GNAL: variants seen among roughly 807,000 people sequenced by gnomAD.
The protein encoded by GNAL is G protein subunit alpha L.
Under a neutral mutation model 55.1 loss-of-function variants are expected in GNAL, and 18 were observed. The observed-to-expected ratio is 0.33, with a 90% CI of 0.23 to 0.48. The LOEUF is 0.48. GNAL is among the 20% of genes least tolerant of loss of function. The pLI is 0.99. For missense variants in GNAL, 412 were observed against 614.1 expected (o/e 0.67, Z 3.48); for synonymous variants, 253 against 237.0 (o/e 1.07, Z -0.62).
chr18:11,724,831 A>G (rs957284428), intron 1 of GNAL, among the ~76,000 whole-genome samples: 1 of 152,220 alleles, frequency 6.6e-6, no homozygotes, highest in African/African-American at 2.4e-5. Flanking sequence ...GAGCAGGCCA[A>G]GGGTTGTTTC....
At chr18:11,770,950 C>G (rs1331710544) in intron 4 of GNAL, among the ~76,000 whole-genome samples, 4 of 152,030 alleles carry the variant, frequency 2.6e-5, no homozygotes, top group Non-Finnish European at 4.4e-5. Context: ...TGCGGTGGCT[C>G]AAGCCTGTAA....
chr18:11,816,328 G>T (rs1043000666), intron 4 of GNAL, among the ~76,000 whole-genome samples: 1 of 151,838 alleles, frequency 6.6e-6, no homozygotes, highest in South Asian at 2.1e-4. Flanking sequence ...ACCGAGTCTT[G>T]CTCTGTCACC....
At chr18:11,727,087 C>A (rs2143425908) in intron 1 of GNAL, among the ~76,000 whole-genome samples, 1 of 152,260 alleles carries the variant, frequency 6.6e-6, no homozygotes, top group Non-Finnish European at 1.5e-5. Context: ...GGTGCCCCTC[C>A]CTCCTTGCTG....
At chr18:11,871,191 A>G (rs576213394) in intron 9 of GNAL, among the ~76,000 whole-genome samples, 50 of 151,972 alleles carry the variant, frequency 3.3e-4, no homozygotes, top group Non-Finnish European at 5.3e-4. Context: ...TTATTACTAG[A>G]AGAAGCAGGT....
intron 1 of GNAL, among the ~76,000 whole-genome samples, chr18:11,690,648 C>A (rs937617189): frequency 7.4e-6 from 1 of 135,408 alleles, no homozygotes; most frequent in Non-Finnish European, 1.5e-5. Context: ...TGTGATGTTC[C>A]CCTTCCTGTG....
chr18:11,845,626 C>G (rs2035715034), intron 5 of GNAL, among the ~76,000 whole-genome samples: 1 of 152,030 alleles, frequency 6.6e-6, no homozygotes, highest in Non-Finnish European at 1.5e-5. Flanking sequence ...CTACAAAATG[C>G]TCTCCAACTA....
intron 1 of GNAL, among the ~76,000 whole-genome samples, chr18:11,726,224 C>T (rs1350184899): frequency 6.6e-6 from 1 of 152,196 alleles, no homozygotes; most frequent in Non-Finnish European, 1.5e-5. Context: ...TGTTGACTTT[C>T]CCTTTAGCAC....
At chr18:11,839,388 A>G (rs2035564177) in intron 5 of GNAL, among the ~76,000 whole-genome samples, 2 of 137,326 alleles carry the variant, frequency 1.5e-5, no homozygotes, top group South Asian at 4.5e-4. Flanking sequence ...TACTAAAAGT[A>G]AAAAAAAAAA....
chr18:11,723,045 G>T (rs1005478857), intron 1 of GNAL, among the ~76,000 whole-genome samples: 1 of 150,024 alleles, frequency 6.7e-6, no homozygotes, highest in African/African-American at 2.5e-5. Context: ...TTAGCCTGGC[G>T]TGGTGGCACA....
intron 4 of GNAL, among the ~76,000 whole-genome samples, chr18:11,816,590 G>A (rs1400892376): frequency 2.0e-5 from 3 of 151,998 alleles, no homozygotes; most frequent in South Asian, 2.1e-4. Context: ...CACCGTACCC[G>A]GCCACTCTAA....
chr18:11,813,688 T>G (rs2034881117), intron 4 of GNAL, among the ~76,000 whole-genome samples: 1 of 152,126 alleles, frequency 6.6e-6, no homozygotes, highest in South Asian at 2.1e-4. Flanking sequence ...GAATTGAGAA[T>G]TCAGAAATAG....
At chr18:11,703,600 G>A (rs1309183922) in intron 1 of GNAL, among the ~76,000 whole-genome samples, 7 of 152,188 alleles carry the variant, frequency 4.6e-5, no homozygotes, top group Non-Finnish European at 7.3e-5. Flanking sequence ...TAAGCGCTGC[G>A]TGGAACTAAA....
At chr18:11,709,510 T>C (rs999789749) in intron 1 of GNAL, among the ~76,000 whole-genome samples, 2 of 152,088 alleles carry the variant, frequency 1.3e-5, no homozygotes, top group African/African-American at 2.4e-5. Flanking sequence ...GTTTTCAGTA[T>C]AAAGGTCTTT....
At chr18:11,823,113 T>G (rs956092015) in intron 4 of GNAL, among the ~76,000 whole-genome samples, 8 of 152,194 alleles carry the variant, frequency 5.3e-5, no homozygotes, top group Non-Finnish European at 1.2e-4. Flanking sequence ...CATGGCCAAC[T>G]TGATAACGGC....
intron 5 of GNAL, among the ~76,000 whole-genome samples, chr18:11,830,977 G>T (rs904381851): frequency 3.3e-5 from 5 of 152,202 alleles, no homozygotes; most frequent in African/African-American, 1.2e-4. Flanking sequence ...AATGGGGAGA[G>T]GGGGAACTTA....
At chr18:11,709,390 A>G (rs2031787367) in intron 1 of GNAL, among the ~76,000 whole-genome samples, 1 of 149,490 alleles carries the variant, frequency 6.7e-6, no homozygotes, top group South Asian at 2.1e-4. Flanking sequence ...CTCAGTAGGT[A>G]GCTTTGGGTA....
Position 11,808,112 on chromosome 18 carries a change from G to C in GNAL, c.625-16806G>C, listed in dbSNP as rs2034713336. On this transcript the variant is annotated intron_variant, in intron 4 of 11. Transcript: ENST00000334049. The stretch of plus-strand genomic sequence containing the variant: ...CATTCCAGGACCATGATAAATATTT[G>C]CTGAGTGAATCGGTGAATGACAGGC... Among the ~76,000 whole-genome samples, 4 of 150,306 alleles carry C rather than the reference G, an allele frequency of 2.7e-5. No individual in the cohort carries two copies. The South Asian group carries it at 6.3e-4, about 24-fold the overall frequency.
At chr18:11,771,719 T>A (rs1033580992) in intron 4 of GNAL, among the ~76,000 whole-genome samples, 1 of 151,194 alleles carries the variant, frequency 6.6e-6, no homozygotes, top group Non-Finnish European at 1.5e-5. Flanking sequence ...ATTTTTTTGT[T>A]GTTTGTTTGT....
intron 1 of GNAL, among the ~76,000 whole-genome samples, chr18:11,692,668 G>A (rs967610120): frequency 1.4e-5 from 2 of 147,960 alleles, no homozygotes; most frequent in East Asian, 2.2e-4. Context: ...TGTAATCCCA[G>A]CACTTTGAGA....
Sources: gnomAD v4.1 joint callset for allele counts (sites outside exome capture counted in the v4.1 genomes callset) on GRCh38, gnomAD v4.1.1 for gene constraint, MANE v1.5 for transcripts, NCBI Gene and HGNC (gene_info 2026-07-23, HGNC 2026-07-21) for gene names.